Variants in CMTR1 observed in about 807,000 individuals in gnomAD.
CMTR1 encodes the protein cap methyltransferase 1.
A neutral mutation model predicts 107.0 loss-of-function variants in CMTR1; 39 were observed. The observed-to-expected ratio is 0.36, with a 90% CI of 0.28 to 0.48. The LOEUF is 0.48. Among genes scored for constraint, CMTR1 ranks in the 20% least tolerant of loss-of-function variants. CMTR1 has a pLI of 0.99. For synonymous variants in CMTR1, 366 were observed against 379.5 expected (o/e 0.96, Z 0.41); for missense variants, 672 against 1,064.9 (o/e 0.63, Z 5.14).
intron 2 of CMTR1, among the ~76,000 whole-genome samples, chr6:37,443,353 ACTTT>A (rs990509992): frequency 2.7e-5 from 4 of 149,640 alleles, no homozygotes; most frequent in South Asian, 2.1e-4. Flanking sequence ...TTGACAATGT[ACTTT>A]CTTTTTTTTT....
At chr6:37,462,776 A>G (rs1411022423) in intron 12 of CMTR1, 53 bp from the exon 13 acceptor site, 1 of 1,549,790 alleles carries the variant, frequency 6.5e-7, no homozygotes, top group African/African-American at 1.4e-5. Flanking sequence ...GGGAAAAGGA[A>G]TGTATGGGGA....
intron 2 of CMTR1, among the ~76,000 whole-genome samples, chr6:37,440,575 T>C (rs1253581237): frequency 6.6e-6 from 1 of 152,188 alleles, no homozygotes; most frequent in African/African-American, 2.4e-5. Context: ...TAGGGTGATA[T>C]TTTACTCCCA....
At chr6:37,478,564 CCTCTCCT>C (rs1364423165) in intron 22 of CMTR1, 43 bp downstream of exon 22, 2 of 1,502,104 alleles carry the variant, frequency 1.3e-6, no homozygotes, top group South Asian at 2.3e-5. Context: ...TCCCCTCTCC[CCTCTCCT>C]CGCCAGGTGA....
intron 6 of CMTR1, among the ~76,000 whole-genome samples, chr6:37,452,842 T>C (rs972258202): frequency 6.6e-6 from 1 of 152,082 alleles, no homozygotes; most frequent in African/African-American, 2.4e-5. Context: ...GGCACCTGTT[T>C]ACATTTTTTT....
In CMTR1 at chr6:37,471,333, G is replaced by A. The variant is rs9470598; in HGVS notation, c.1562+256G>A. Among the ~76,000 whole-genome samples the A allele has an allele frequency of 3.9e-5, 6 of 152,314 alleles. 1 individual carries two copies. The highest frequency in any genetic ancestry group is 2.6e-4 in the Admixed American group (4 of 15,308). ...AGGAAAGGTTATTAACAGTGCATCA[G>A]AGGGTGTAGAGTGGCATGGCACAAG... On this transcript the variant is annotated intron_variant, in intron 14 of 23. Coordinates refer to ENST00000373451, the MANE Select transcript of CMTR1 (RefSeq NM_015050.3).
At chr6:37,425,476 A>G in the CMTR1 span, among the ~76,000 whole-genome samples, 77 of 151,372 alleles carry the variant, frequency 5.1e-4, no homozygotes, top group East Asian at 0.014. Flanking sequence ...TTGTATTTTT[A>G]GTAGAGACGG....
Position 37,475,422 on chromosome 6 carries a change from G to A in CMTR1, c.2036+10G>A. The A allele has an allele frequency of 6.2e-7, 1 of 1,611,302 alleles. No homozygotes were observed. Among genetic ancestry groups the A allele is most frequent in the Non-Finnish European group, 8.5e-7 (1 of 1,177,850 alleles). On this transcript the variant is annotated intron_variant, in intron 19 of 23. Coordinates refer to ENST00000373451, the MANE Select transcript of CMTR1 (RefSeq NM_015050.3). ...AGCACTTTAACCAGCGGTCTGACCT[G>A]GGCCCCAGGGTAGGGAGGGTGGGGG...
intron 2 of CMTR1, among the ~76,000 whole-genome samples, chr6:37,441,778 A>G (rs148517915): frequency 9.5e-4 from 144 of 152,316 alleles, no homozygotes; most frequent in African/African-American, 3.3e-3. Context: ...ATGCAAAACA[A>G]AAGAAATATC....
chr6:37,430,526 C>G (rs1381242309), upstream of CMTR1, among the ~76,000 whole-genome samples: 2 of 151,828 alleles, frequency 1.3e-5, no homozygotes, highest in Non-Finnish European at 2.9e-5. Flanking sequence ...TGAGTAGAAG[C>G]CTTTTATTTT....
chr6:37,472,343 C>T lies in CMTR1; in HGVS notation c.1621-76C>T. 1.5e-6 allele frequency: 2 copies of T among 1,351,332 alleles called. No individual in the cohort carries two copies. The highest frequency in any genetic ancestry group is 2.3e-5 in the East Asian group (1 of 43,630). 83.7% of individuals were successfully genotyped at this position (1,351,332 alleles called of 1,614,324 possible). ...CCTCCCCAGTCTGACCCTATCTCCT[C>T]CACCTGCATATACTCATACACGGTC... On this transcript the variant is annotated intron_variant, in intron 15 of 23. Coordinates refer to ENST00000373451, the MANE Select transcript of CMTR1 (RefSeq NM_015050.3). This position sits in a 1 kb window ranked among gnomAD's most constrained non-coding sequence, Gnocchi z 4.1.
rs1761831634 is a variant in CMTR1 at position 37,480,434 on chromosome 6, T to C, written c.*289T>C. 8.1e-7 allele frequency: 1 copy of C among 1,235,142 alleles called. No individual in the cohort carries two copies. Among genetic ancestry groups the C allele is most frequent in the Non-Finnish European group, 1.0e-6 (1 of 986,742 alleles). 76.5% of individuals were successfully genotyped at this position (1,235,142 alleles called of 1,614,324 possible). A position where few individuals can be genotyped will look rare whatever the true frequency, so the allele number is the denominator to read the frequency against. ...GTATGAGGTCAGTGCCTAGGGCACG[T>C]GGGACTGATGGAGGACATATCAGAG... On this transcript the variant is annotated 3_prime_UTR_variant, in exon 24 of 24. Coordinates refer to ENST00000373451, the MANE Select transcript of CMTR1 (RefSeq NM_015050.3).
At chr6:37,464,161 A>G (rs953487841) in intron 13 of CMTR1, among the ~76,000 whole-genome samples, 2 of 152,170 alleles carry the variant, frequency 1.3e-5, no homozygotes, top group African/African-American at 2.4e-5. Flanking sequence ...TGTAGCCTAC[A>G]TCCCTATTAA....
At chr6:37,479,383 A>G (rs1761809177) in intron 23 of CMTR1, 128 bp downstream of exon 23, 2 of 706,632 alleles carry the variant, frequency 2.8e-6, no homozygotes, top group Non-Finnish European at 2.5e-6. Flanking sequence ...TCCCCTGAGC[A>G]CAGGCCTGAG....
Position 37,446,296 on chromosome 6 carries a change from G to A in CMTR1, c.291G>A (p.Lys97=). The A allele has an allele frequency of 6.2e-7, 1 of 1,613,942 alleles. No individual in the cohort carries two copies. The highest frequency in any genetic ancestry group is 8.5e-7 in the Non-Finnish European group (1 of 1,179,952). Residue 97 remains lysine, a synonymous_variant, in exon 4 of 24, where the codon AAG becomes AAA. Transcript: ENST00000373451. ...CCACTACTTCTCTTTTTCAGGCCAA[G>A]ATGGGCTTCAGGGAAGGTGAAGGAT... is the stretch of plus-strand genomic sequence containing the variant. The part of the protein sequence containing the change: ...YNSVSQKLMA[K]MGFREGEGLG...
chr6:37,463,002 A>G lies in CMTR1; in HGVS notation c.1499A>G (p.Asn500Ser), dbSNP rs765460741. ...HEFTDYMIRS[N>S]ESHCSLQIKA... ...TTTACTGACTACATGATACGGTCCA[A>G]TGAGAGGTAAGCCAACGGGCTGGTT... The change falls in exon 13 of 24, where the codon AAT becomes AGT. Residue 500 changes from asparagine (N) to serine (S), a missense_variant. Asn to Ser is a conservative substitution (Grantham distance 46). Around this residue, in one of 2 missense-constraint regions of CMTR1, gnomAD observed 583 missense variants for 968.4 expected, o/e 0.60. Transcript: ENST00000373451. The G allele has an allele frequency of 3.7e-6, 6 of 1,613,662 alleles. No homozygotes were observed. Among genetic ancestry groups the G allele is most frequent in the South Asian group, 2.2e-5 (2 of 91,080 alleles).
At chr6:37,433,641 T>C (rs1051978524) in intron 1 of CMTR1, among the ~76,000 whole-genome samples, 1 of 152,206 alleles carries the variant, frequency 6.6e-6, no homozygotes, top group African/African-American at 2.4e-5. Flanking sequence ...TGGGAGCTTA[T>C]CTCTTCTCTC....
At chr6:37,434,727 G>C (rs138836737) in intron 1 of CMTR1, among the ~76,000 whole-genome samples, 47 of 152,052 alleles carry the variant, frequency 3.1e-4, no homozygotes, top group Admixed American at 1.1e-3. Flanking sequence ...CAATTCAAGC[G>C]GTTCTCCTGA....
intron 6 of CMTR1, among the ~76,000 whole-genome samples, chr6:37,452,134 C>A (rs982893050): frequency 3.3e-5 from 5 of 152,112 alleles, no homozygotes; most frequent in African/African-American, 1.2e-4. Flanking sequence ...TCATTGTAAT[C>A]CTGAGAGGGC....
intron 2 of CMTR1, among the ~76,000 whole-genome samples, chr6:37,442,727 T>C (rs13212461): frequency 0.042 from 6,323 of 152,346 alleles, 150 homozygotes; most frequent in Middle Eastern, 0.088. Context: ...GTTTTGGTTC[T>C]GGTAGGGAAA....
Sources: allele counts gnomAD v4.1 joint callset (sites outside exome capture counted in the v4.1 genomes callset), GRCh38; gene constraint gnomAD v4.1.1; regional missense constraint gnomAD v4.1.1; non-coding constraint Gnocchi (gnomAD v3.1); transcripts MANE v1.5; gene names NCBI Gene and HGNC (gene_info 2026-07-23, HGNC 2026-07-21).